The following SLC24A4 variants were observed in gnomAD, a reference collection of about 807,000 sequenced individuals.
The protein encoded by SLC24A4 is sodium/potassium/calcium exchanger 4.
Under a neutral mutation model 79.0 loss-of-function variants are expected in SLC24A4, and 53 were observed. The observed-to-expected ratio is 0.67, with a 90% CI of 0.54 to 0.84. The LOEUF (loss-of-function observed/expected upper bound fraction) is 0.84. Ranked by LOEUF, SLC24A4 falls within the 40% of genes least tolerant of loss-of-function variation. The pLI is 0.00. For missense variants in SLC24A4, 731 were observed against 822.0 expected (o/e 0.89, Z 1.35); for synonymous variants, 323 against 323.8 (o/e 1.00, Z 0.03).
At chr14:92,395,434 C>CACAA in intron 2 of SLC24A4, among the ~76,000 whole-genome samples, 1 of 122,844 alleles carries the variant, frequency 8.1e-6, no homozygotes, top group Non-Finnish European at 1.6e-5. Flanking sequence ...CAAAACAAAA[C>CACAA]ACACACACAC....
At chr14:92,355,852 G>T (rs1415210944) in intron 2 of SLC24A4, among the ~76,000 whole-genome samples, 1 of 152,186 alleles carries the variant, frequency 6.6e-6, no homozygotes, top group Non-Finnish European at 1.5e-5. Context: ...TAGAGCTCGT[G>T]CTCTCCCTTG....
intron 2 of SLC24A4, among the ~76,000 whole-genome samples, chr14:92,371,481 G>A (rs1480413419): frequency 7.9e-5 from 12 of 152,126 alleles, no homozygotes; most frequent in Non-Finnish European, 1.3e-4. Flanking sequence ...ATAAAAAAGT[G>A]GAGTATAGAT....
At chr14:92,383,434 C>G (rs1888965456) in intron 2 of SLC24A4, among the ~76,000 whole-genome samples, 1 of 152,196 alleles carries the variant, frequency 6.6e-6, no homozygotes, top group Non-Finnish European at 1.5e-5. Context: ...GCGCCCCTGC[C>G]TGGAGTGCCC....
At chr14:92,471,298 G>A (rs1383454271) in intron 12 of SLC24A4, among the ~76,000 whole-genome samples, 1 of 152,164 alleles carries the variant, frequency 6.6e-6, no homozygotes. Context: ...AAGGGCAGAA[G>A]GCTCATACTA....
chr14:92,360,851 G>C (rs909281111), intron 2 of SLC24A4, among the ~76,000 whole-genome samples: 2 of 152,180 alleles, frequency 1.3e-5, no homozygotes, highest in African/African-American at 4.8e-5. Context: ...TACCACGGAG[G>C]CTCCTCTCAG....
chr14:92,374,428 G>A (rs1372105765), intron 2 of SLC24A4, among the ~76,000 whole-genome samples: 1 of 152,240 alleles, frequency 6.6e-6, no homozygotes, highest in East Asian at 1.9e-4. Flanking sequence ...CGAACAGTCA[G>A]TCTCTTGGAA....
At chr14:92,359,554 G>A (rs775959825) in intron 2 of SLC24A4, among the ~76,000 whole-genome samples, 2 of 151,786 alleles carry the variant, frequency 1.3e-5, no homozygotes, top group Non-Finnish European at 2.9e-5. Flanking sequence ...AGCCAAGATC[G>A]CACCATTACA....
At chr14:92,483,990 C>T (rs891865165) in intron 13 of SLC24A4, 13 of 985,266 alleles carry the variant, frequency 1.3e-5, no homozygotes, top group Non-Finnish European at 1.6e-5. Flanking sequence ...TCCTGGATCA[C>T]ATGAGAACAG....
chr14:92,395,697 C>T (rs1015340721), intron 2 of SLC24A4, among the ~76,000 whole-genome samples: 1 of 152,218 alleles, frequency 6.6e-6, no homozygotes, highest in African/African-American at 2.4e-5. Context: ...GACAACACTG[C>T]CCAGTTCCAA....
rs1330904497 is a variant in SLC24A4 at position 92,343,639 on chromosome 14, T to C, written c.241+17661T>C. On this transcript the variant is annotated intron_variant, in intron 2 of 16. Transcript: ENST00000532405. ...TTCTTTCTTTCTTTCTTTCTTTCTTTCTCTCTTTCCTTCTTTCCTTCCTTC... is the reference window on the plus strand; with the variant it reads ...TTCTTTCTTTCTTTCTTTCTTTCTTCCTCTCTTTCCTTCTTTCCTTCCTTC... Among the ~76,000 whole-genome samples, 28 of 133,808 alleles carry C rather than the reference T, an allele frequency of 2.1e-4. 1 individual carries two copies. The highest frequency in any genetic ancestry group is 2.9e-4 in the Non-Finnish European group (18 of 61,100). The allele number at this position is 133,808 out of a possible 152,430, so 87.8% of individuals were successfully genotyped here.
At chr14:92,425,960 G>A (rs547231928) in intron 2 of SLC24A4, among the ~76,000 whole-genome samples, 55 of 152,282 alleles carry the variant, frequency 3.6e-4, no homozygotes, top group African/African-American at 1.3e-3. Flanking sequence ...TCCAGCCTGG[G>A]TGACAGAGTG....
intron 2 of SLC24A4, among the ~76,000 whole-genome samples, chr14:92,364,863 T>C (rs1302504698): frequency 6.6e-6 from 1 of 152,164 alleles, no homozygotes; most frequent in Non-Finnish European, 1.5e-5. Flanking sequence ...GGGTGCCTCA[T>C]TAGTGTTTGC....
intron 2 of SLC24A4, among the ~76,000 whole-genome samples, chr14:92,406,560 A>G (rs1237532527): frequency 6.6e-6 from 1 of 152,176 alleles, no homozygotes; most frequent in African/African-American, 2.4e-5. Flanking sequence ...GGAGGCTCCA[A>G]AATCTCAACT....
chr14:92,419,347 C>G (rs1242945086), intron 2 of SLC24A4, among the ~76,000 whole-genome samples: 2 of 152,188 alleles, frequency 1.3e-5, no homozygotes, highest in Non-Finnish European at 2.9e-5. Flanking sequence ...AAATCATCCA[C>G]CCTCCTTTGG....
In SLC24A4 at chr14:92,460,117, C is replaced by G. The variant is rs182700873; in HGVS notation, c.1255+3509C>G. 2.1e-4 allele frequency among the ~76,000 whole-genome samples: 32 copies of G among 152,260 alleles called. 1 individual carries two copies. The highest frequency in any genetic ancestry group is 7.7e-4 in the African/African-American group (32 of 41,560). On this transcript the variant is annotated intron_variant, in intron 12 of 16. Coordinates refer to ENST00000532405, the MANE Select transcript of SLC24A4 (RefSeq NM_153646.4). ...TTCGGGTGTCAAGGAATGAGTCTAG[C>G]CCCGTGCCAATGTGCAGATATCGTG...
In SLC24A4 at chr14:92,439,334, G is replaced by C; in HGVS notation, c.319-1G>C. 1 of 1,612,558 alleles carries C rather than the reference G, an allele frequency of 6.2e-7. No individual in the cohort carries two copies. Among genetic ancestry groups the C allele is most frequent in the African/African-American group, 1.3e-5 (1 of 75,020 alleles). ...CTGCCTGTCTCCTCTCTCCTTTGCA[G>C]GCTCTGTATATGTTCTATGCCTTGG... On this transcript the variant is annotated splice_acceptor_variant, in intron 3 of 16. Transcript: ENST00000532405. LOFTEE classifies it high-confidence loss of function.
chr14:92,363,512 C>T (rs896211101), intron 2 of SLC24A4, among the ~76,000 whole-genome samples: 1 of 152,222 alleles, frequency 6.6e-6, no homozygotes, highest in African/African-American at 2.4e-5. Context: ...TGCATGTAGC[C>T]TCCAGATTGA....
intron 2 of SLC24A4, among the ~76,000 whole-genome samples, chr14:92,339,708 T>C (rs1280448733): frequency 1.3e-5 from 2 of 152,226 alleles, no homozygotes; most frequent in East Asian, 3.8e-4. Flanking sequence ...CCCAAAGACC[T>C]TTGAGCTCTT....
At chr14:92,383,992 A>G (rs1889003397) in intron 2 of SLC24A4, among the ~76,000 whole-genome samples, 1 of 152,224 alleles carries the variant, frequency 6.6e-6, no homozygotes, top group African/African-American at 2.4e-5. Flanking sequence ...ATTAGTCTGG[A>G]GCAAACCACT....
Sources: gnomAD v4.1 joint callset for allele counts (sites outside exome capture counted in the v4.1 genomes callset) on GRCh38, gnomAD v4.1.1 for gene constraint, MANE v1.5 for transcripts, NCBI Gene and HGNC (gene_info 2026-07-23, HGNC 2026-07-21) for gene names.